RYR2: variants seen among roughly 807,000 people sequenced by gnomAD.
RYR2 encodes the protein cardiac muscle ryanodine receptor-calcium release channel.
A neutral mutation model predicts 601.1 loss-of-function variants in RYR2; 227 were observed. The ratio of observed to expected loss-of-function variants is 0.38; its 90% confidence interval spans 0.34 to 0.42. The LOEUF (loss-of-function observed/expected upper bound fraction) is 0.42. Ranked by LOEUF, RYR2 falls within the 10% of genes least tolerant of loss-of-function variation. The probability of loss-of-function intolerance (pLI) is 1.00; values close to 1 mark genes in which losing one functional copy is unlikely to be tolerated. For missense variants in RYR2, 4,646 were observed against 6,156.5 expected (o/e 0.75, Z 8.21); for synonymous variants, 2,223 against 2,175.1 (o/e 1.02, Z -0.61).
At chr1:237,506,494 C>T (rs1016356745) in intron 22 of RYR2, among the ~76,000 whole-genome samples, 18 of 150,768 alleles carry the variant, frequency 1.2e-4, no homozygotes, top group African/African-American at 3.4e-4. Flanking sequence ...GCAGAGATCG[C>T]GCCACTGCAC....
chr1:237,738,560 A>G (rs1053822274), intron 79 of RYR2, among the ~76,000 whole-genome samples: 6 of 152,004 alleles, frequency 3.9e-5, no homozygotes, highest in Non-Finnish European at 7.4e-5. Flanking sequence ...TTTCATATAT[A>G]TATAATTTAA....
rs149883947 is a variant in RYR2 at position 237,552,707 on chromosome 1, T to G, written c.3214+2016T>G. ...TATGATCTTGCATGTTTTATGTATA[T>G]CACAAAATCTATTGCTCAGTGGCAT... On this transcript the variant is annotated intron_variant, in intron 27 of 104. Coordinates refer to ENST00000366574, the MANE Select transcript of RYR2 (RefSeq NM_001035.3). Among the ~76,000 whole-genome samples, 4 of 152,158 alleles carry G rather than the reference T, an allele frequency of 2.6e-5. No individual in the cohort carries two copies. In the East Asian group the frequency reaches 7.7e-4, roughly 29 times the overall value.
intron 2 of RYR2, among the ~76,000 whole-genome samples, chr1:237,328,361 G>A (rs373010836): frequency 3.3e-5 from 5 of 152,174 alleles, no homozygotes; most frequent in African/African-American, 1.2e-4. Flanking sequence ...TTAAGAGTAT[G>A]TATTCCTAAA....
At chr1:237,801,795 C>T in intron 97 of RYR2, 61 bp from the exon 98 acceptor site, 1 of 1,081,410 alleles carries the variant, frequency 9.2e-7, no homozygotes, top group Admixed American at 1.9e-5. Context: ...CAGGCTCTCG[C>T]AAGCCTATGA....
intron 63 of RYR2, among the ~76,000 whole-genome samples, chr1:237,692,734 A>G (rs192080157): frequency 4.6e-5 from 7 of 152,188 alleles, no homozygotes; most frequent in East Asian, 1.9e-4. Flanking sequence ...CAAACTATCC[A>G]TCCTTCAGAC....
intron 25 of RYR2, among the ~76,000 whole-genome samples, chr1:237,542,614 A>T (rs978399182): frequency 6.6e-6 from 1 of 151,996 alleles, no homozygotes; most frequent in African/African-American, 2.4e-5. Flanking sequence ...TTGGGTTCAC[A>T]TTGGGTGCCC....
chr1:237,426,719 A>G (rs1366806715), intron 12 of RYR2, among the ~76,000 whole-genome samples: 2 of 152,198 alleles, frequency 1.3e-5, no homozygotes, highest in African/African-American at 4.8e-5. Context: ...CCGGTACATC[A>G]CAGTGGAAGA....
intron 10 of RYR2, among the ~76,000 whole-genome samples, chr1:237,399,194 C>CA (rs58473331): frequency 8.6e-5 from 13 of 151,564 alleles, no homozygotes; most frequent in African/African-American, 2.2e-4. Flanking sequence ...GTCTCTGTCT[C>CA]AAAAAAAACA....
At chr1:237,301,199 G>C (rs555582116) in intron 2 of RYR2, among the ~76,000 whole-genome samples, 1 of 151,976 alleles carries the variant, frequency 6.6e-6, no homozygotes, top group Non-Finnish European at 1.5e-5. Flanking sequence ...ATTCTACTTA[G>C]AGACTGAAAA....
intron 27 of RYR2, 46 bp from the exon 28 acceptor site, chr1:237,566,521 C>T (rs763955435): frequency 1.9e-6 from 3 of 1,564,912 alleles, no homozygotes; most frequent in East Asian, 2.3e-5. Flanking sequence ...CCTTCTCTTT[C>T]ACCTCCCCAT....
chr1:237,395,640 G>A (rs1171805123), intron 10 of RYR2, among the ~76,000 whole-genome samples: 3 of 144,446 alleles, frequency 2.1e-5, no homozygotes, highest in African/African-American at 5.1e-5. Context: ...TCTGCCTCCC[G>A]GGTTCATGCC....
intron 73 of RYR2, among the ~76,000 whole-genome samples, chr1:237,719,020 T>C (rs1403244407): frequency 6.6e-6 from 1 of 152,104 alleles, no homozygotes; most frequent in Non-Finnish European, 1.5e-5. Context: ...TCCCAACAGT[T>C]TGGGAGGCTG....
chr1:237,124,746 C>G (rs1369605906), intron 1 of RYR2, among the ~76,000 whole-genome samples: 4 of 151,936 alleles, frequency 2.6e-5, no homozygotes, highest in Admixed American at 2.6e-4. Context: ...TTCACAGGGT[C>G]TAGAAATTAT....
At chr1:237,068,100 A>G (rs916293125) in intron 1 of RYR2, among the ~76,000 whole-genome samples, 2 of 150,268 alleles carry the variant, frequency 1.3e-5, no homozygotes, top group African/African-American at 4.9e-5. Context: ...CATCATGTCA[A>G]TCTCAGAATA....
rs1171639862 is a variant in RYR2 at position 237,282,095 on chromosome 1, A to G, written c.168+11479A>G. ...CCTGGCTATAAAGTATATACTGCAG[A>G]AAGTATATACTTTCTGAATCTAAGA... On this transcript the variant is annotated intron_variant, in intron 2 of 104. Transcript: ENST00000366574. Among the ~76,000 whole-genome samples, 3 of 152,096 alleles carry G rather than the reference A, an allele frequency of 2.0e-5. No individual in the cohort carries two copies. The East Asian group carries it at 5.8e-4, about 29-fold the overall frequency.
In RYR2 at chr1:237,423,162, A is replaced by T. The variant is rs1705767586; in HGVS notation, c.919A>T (p.Ser307Cys). ...CCATGTCACAACAGGAAAATACTTG[A>T]GTCTCATGGAAGACAAAAACCTTCT... Reference protein sequence around the residue: ...LRHVTTGKYLSLMEDKNLLLM... With the variant: ...LRHVTTGKYLCLMEDKNLLLM... Residue 307 changes from serine to cysteine, a missense_variant, in exon 12 of 105, where the codon AGT (serine) becomes TGT (cysteine). Ser to Cys is a moderately radical substitution (Grantham distance 112). This residue lies in a region of RYR2 where 1,807 missense variants were observed against 2,088.1 expected (regional missense o/e 0.87). Transcript: ENST00000366574. 1.9e-6 allele frequency: 3 copies of T among 1,613,930 alleles called. No homozygotes were observed. The highest frequency in any genetic ancestry group is 1.7e-6 in the Non-Finnish European group (2 of 1,179,838).
chr1:237,223,598 TTTC>T (rs1440763217), intron 1 of RYR2, among the ~76,000 whole-genome samples: 1 of 152,158 alleles, frequency 6.6e-6, no homozygotes, highest in South Asian at 2.1e-4. Context: ...CAAAATTTTC[TTTC>T]TTCTTCTTTT....
chr1:237,624,089 G>A (rs1679390991), intron 39 of RYR2, among the ~76,000 whole-genome samples: 1 of 152,184 alleles, frequency 6.6e-6, no homozygotes, highest in South Asian at 2.1e-4. Flanking sequence ...GTTAAACTGA[G>A]CAGAAGATGA....
chr1:237,657,944 T>G lies in RYR2; in HGVS notation c.8130T>G (p.Asn2710Lys), dbSNP rs876661388. ...TCTTTTGTCTTTACTTTTCTCATAG[T>G]ATTACAATTCCTGAGAAATTGGAAT... ...NFNPQPVDTS[N>K]ITIPEKLEYF... Residue 2710 changes from asparagine (N) to lysine (K), a missense_variant and splice_region_variant, in exon 54 of 105, where the codon AAT (asparagine) becomes AAG (lysine). This residue lies in a region of RYR2 where 1,497 missense variants were observed against 1,842.6 expected (regional missense o/e 0.81). Coordinates refer to ENST00000366574, the MANE Select transcript of RYR2 (RefSeq NM_001035.3). 5 of 1,479,772 alleles carry G rather than the reference T, an allele frequency of 3.4e-6. No homozygotes were observed. The African/African-American group carries it at 4.3e-5, about 13-fold the overall frequency. 91.7% of individuals were successfully genotyped at this position (1,479,772 alleles called of 1,614,324 possible).
Sources: gnomAD v4.1 joint callset for allele counts (sites outside exome capture counted in the v4.1 genomes callset) on GRCh38, gnomAD v4.1.1 for gene constraint, gnomAD v4.1.1 regional missense constraint, MANE v1.5 for transcripts, NCBI Gene and HGNC (gene_info 2026-07-23, HGNC 2026-07-21) for gene names.